The following NETO1 variants were observed in gnomAD, a reference collection of about 807,000 sequenced individuals.
NETO1 encodes neuropilin and tolloid like 1.
NETO1 carries 26 observed loss-of-function variants against 61.3 expected under a neutral mutation model. The observed-to-expected ratio is 0.42, with a 90% CI of 0.31 to 0.59. The LOEUF (loss-of-function observed/expected upper bound fraction) is 0.59, where lower values mean the gene tolerates loss of function less well. Among genes scored for constraint, NETO1 ranks in the 20% least tolerant of loss-of-function variants. The pLI, the probability that NETO1 is intolerant of heterozygous loss-of-function variation, is 0.12. For missense variants in NETO1, 531 were observed against 662.8 expected, an observed-to-expected ratio of 0.80 and a Z score of 2.18; for synonymous variants, 225 against 225.8, an observed-to-expected ratio of 1.00 and a Z score of 0.03.
chr18:72,782,763 C>T (rs527913463), intron 7 of NETO1, among the ~76,000 whole-genome samples: 2 of 152,066 alleles, frequency 1.3e-5, no homozygotes, highest in South Asian at 2.1e-4. Flanking sequence ...GAGATCGCAC[C>T]GTCGCACTCC....
At chr18:72,784,270 G>C (rs565246799) in intron 6 of NETO1, among the ~76,000 whole-genome samples, 1 of 152,182 alleles carries the variant, frequency 6.6e-6, no homozygotes, top group South Asian at 2.1e-4. Context: ...TCTTGTTTCA[G>C]TTCGATGGCT....
chr18:72,756,765 T>C (rs766999504), intron 7 of NETO1, among the ~76,000 whole-genome samples: 3 of 152,048 alleles, frequency 2.0e-5, no homozygotes, highest in Non-Finnish European at 2.9e-5. Context: ...TTCTAGTGAT[T>C]TGATGTACAA....
intron 7 of NETO1, among the ~76,000 whole-genome samples, chr18:72,775,033 A>G (rs916566378): frequency 6.6e-6 from 1 of 152,230 alleles, no homozygotes; most frequent in Non-Finnish European, 1.5e-5. Context: ...AATGAAGTTT[A>G]GCTGGGCAAC....
intron 4 of NETO1, among the ~76,000 whole-genome samples, chr18:72,827,183 T>C (rs1019756587): frequency 2.6e-5 from 4 of 152,118 alleles, no homozygotes; most frequent in Non-Finnish European, 4.4e-5. Context: ...CCAAATTGTA[T>C]GTTTATTCCC....
intron 4 of NETO1, among the ~76,000 whole-genome samples, chr18:72,797,686 C>T (rs746359438): frequency 7.2e-5 from 11 of 152,148 alleles, no homozygotes; most frequent in Non-Finnish European, 1.6e-4. Flanking sequence ...TTTCCACTGC[C>T]CTTAGAGTAA....
rs186136276 is a variant in NETO1 at position 72,776,322 on chromosome 18, C to A, written c.868+7356G>T. On this transcript the variant is annotated intron_variant, in intron 7 of 10. Transcript: ENST00000327305. ...CACTCATTACCAGAACAACATCAAG[C>A]CGTTAGGTATTTGTCCCCATCACCT... Among the ~76,000 whole-genome samples, 7 of 152,302 alleles carry A rather than the reference C, an allele frequency of 4.6e-5. No homozygotes were observed. The East Asian group carries it at 7.7e-4, about 17-fold the overall frequency.
intron 7 of NETO1, among the ~76,000 whole-genome samples, chr18:72,764,118 T>A (rs1480980733): frequency 2.0e-5 from 3 of 152,180 alleles, no homozygotes; most frequent in African/African-American, 7.2e-5. Context: ...ATTGTTAAAA[T>A]TCAAGGTGAA....
intron 7 of NETO1, among the ~76,000 whole-genome samples, chr18:72,766,381 T>C (rs905996601): frequency 6.6e-6 from 1 of 151,762 alleles, no homozygotes; most frequent in Non-Finnish European, 1.5e-5. Context: ...AATGGAAAAA[T>C]TTCCCTTGTC....
At chr18:72,838,054 T>G (rs1233917618) in intron 4 of NETO1, among the ~76,000 whole-genome samples, 1 of 149,984 alleles carries the variant, frequency 6.7e-6, no homozygotes, top group African/African-American at 2.5e-5. Flanking sequence ...ACACAAAACA[T>G]TCTCCGTCCC....
intron 4 of NETO1, among the ~76,000 whole-genome samples, chr18:72,823,522 G>A (rs992595565): frequency 2.6e-5 from 4 of 151,990 alleles, no homozygotes; most frequent in Non-Finnish European, 5.9e-5. Context: ...CTCAAGGCTC[G>A]TTCAACAAAG....
At chr18:72,802,158 TAA>T (rs59199203) in intron 4 of NETO1, among the ~76,000 whole-genome samples, 3 of 134,150 alleles carry the variant, frequency 2.2e-5, no homozygotes, top group Admixed American at 7.6e-5. Context: ...ATAAGAATTC[TAA>T]AAAAAAAAAA....
chr18:72,793,936 G>A (rs570159588), intron 6 of NETO1, among the ~76,000 whole-genome samples, 181 bp downstream of exon 6: 29 of 152,188 alleles, frequency 1.9e-4, no homozygotes, highest in Admixed American at 1.3e-3. Context: ...TGCTATTTAC[G>A]ACATCAAATT....
At chr18:72,785,676 G>T (rs957956431) in intron 6 of NETO1, among the ~76,000 whole-genome samples, 1 of 152,126 alleles carries the variant, frequency 6.6e-6, no homozygotes, top group Non-Finnish European at 1.5e-5. Flanking sequence ...GCTGAAATTT[G>T]TAACTGGTGT....
intron 6 of NETO1, among the ~76,000 whole-genome samples, chr18:72,788,603 G>C (rs1025598103): frequency 3.3e-5 from 5 of 151,896 alleles, no homozygotes; most frequent in African/African-American, 1.2e-4. Flanking sequence ...CATAACACTA[G>C]TAAAATAGAT....
chr18:72,746,823 A>G lies in NETO1; in HGVS notation c.*1356T>C, dbSNP rs1048078917. ...TTTATTTTGTAAGATTACACATTGA[A>G]TATTTTAAAAAATAACCACTCACCA... On this transcript the variant is annotated 3_prime_UTR_variant, in exon 11 of 11. Transcript: ENST00000327305. Among the ~76,000 whole-genome samples, 3 of 152,018 alleles carry G rather than the reference A, an allele frequency of 2.0e-5. No individual in the cohort carries two copies. Among genetic ancestry groups the G allele is most frequent in the Admixed American group, 1.3e-4 (2 of 15,228 alleles).
chr18:72,770,019 C>T (rs910588615), intron 7 of NETO1, among the ~76,000 whole-genome samples: 1 of 151,910 alleles, frequency 6.6e-6, no homozygotes, highest in Non-Finnish European at 1.5e-5. Context: ...TATTTTGTTT[C>T]CTATAAGCAG....
intron 7 of NETO1, among the ~76,000 whole-genome samples, chr18:72,778,132 T>C (rs1355024370): frequency 6.6e-6 from 1 of 152,100 alleles, no homozygotes; most frequent in Non-Finnish European, 1.5e-5. Flanking sequence ...TGGTGGACAG[T>C]GGTTTTTCTC....
intron 1 of NETO1, 27 bp downstream of exon 1, chr18:72,867,233 AGCGC>A: frequency 6.5e-7 from 1 of 1,528,700 alleles, no homozygotes; most frequent in South Asian, 1.3e-5. Flanking sequence ...TGGCTCCGGG[AGCGC>A]ACGGGCGCGG....
intron 6 of NETO1, among the ~76,000 whole-genome samples, chr18:72,787,254 A>G (rs970375150): frequency 6.6e-6 from 1 of 151,448 alleles, no homozygotes. Context: ...AAAAGATGCA[A>G]TTATAATTGG....
Sources: allele counts gnomAD v4.1 joint callset (sites outside exome capture counted in the v4.1 genomes callset), GRCh38; gene constraint gnomAD v4.1.1; transcripts MANE v1.5; gene names NCBI Gene and HGNC (gene_info 2026-07-23, HGNC 2026-07-21).